Variants in NFASC observed in about 807,000 individuals in gnomAD.
The protein encoded by NFASC is neurofascin.
In NFASC, 43 loss-of-function variants were observed where a neutral mutation model predicts 147.5. That is an observed-to-expected ratio of 0.29 (90% confidence interval 0.23 to 0.38). NFASC has a LOEUF of 0.38. Among genes scored for constraint, NFASC ranks in the 10% least tolerant of loss-of-function variants. The pLI, the probability that NFASC is intolerant of heterozygous loss-of-function variation, is 1.00. For synonymous variants in NFASC, 622 were observed against 665.5 expected, an observed-to-expected ratio of 0.93 and a Z score of 1.01; for missense variants, 1,320 against 1,689.0, an observed-to-expected ratio of 0.78 and a Z score of 3.83.
At chr1:204,930,159 G>C (rs1300607317) in intron 2 of NFASC, among the ~76,000 whole-genome samples, 1 of 152,140 alleles carries the variant, frequency 6.6e-6, no homozygotes, top group Non-Finnish European at 1.5e-5. Context: ...CTGCTGCCTG[G>C]GGTGTCTGAA....
intron 1 of NFASC, among the ~76,000 whole-genome samples, chr1:204,894,137 G>A (rs1452086645): frequency 6.6e-6 from 1 of 152,180 alleles, no homozygotes; most frequent in Non-Finnish European, 1.5e-5. Flanking sequence ...CTTCTTGGTA[G>A]GAATAAGATA....
At chr1:204,933,510 G>A (rs1054865466) in intron 2 of NFASC, among the ~76,000 whole-genome samples, 11 of 152,166 alleles carry the variant, frequency 7.2e-5, no homozygotes, top group Admixed American at 1.3e-4. Context: ...AAGAGAATCC[G>A]GCCATGGGAT....
chr1:205,005,601 T>A (rs1459278667), intron 27 of NFASC, among the ~76,000 whole-genome samples: 3 of 152,230 alleles, frequency 2.0e-5, no homozygotes, highest in South Asian at 2.1e-4. Context: ...GAGTATGGTG[T>A]TGACAGTCAA....
intron 1 of NFASC, among the ~76,000 whole-genome samples, chr1:204,903,811 CT>C (rs2085181965): frequency 6.6e-6 from 1 of 152,132 alleles, no homozygotes; most frequent in Non-Finnish European, 1.5e-5. Flanking sequence ...TCCAATTTTT[CT>C]TTTGAGAATT....
intron 24 of NFASC, among the ~76,000 whole-genome samples, chr1:204,995,799 A>G (rs1443837166): frequency 2.0e-5 from 3 of 151,978 alleles, no homozygotes; most frequent in South Asian, 4.2e-4. Flanking sequence ...TCTCCCTTAA[A>G]AAAAGCTCTC....
At chr1:204,976,949 A>T in intron 16 of NFASC, 154 bp downstream of exon 16, 1 of 1,409,152 alleles carries the variant, frequency 7.1e-7, no homozygotes, top group Non-Finnish European at 9.2e-7. Context: ...TGTCAGGGTT[A>T]GGGAGCTGCC....
rs770315952 is a variant in NFASC at position 205,022,796 on chromosome 1, C to T, written c.*6257C>T. 2.0e-5 allele frequency: 3 copies of T among 152,660 alleles called. No individual in the cohort carries two copies. The highest frequency in any genetic ancestry group is 6.5e-5 in the Admixed American group (1 of 15,286). The allele number at this position is 152,660 out of a possible 1,614,324, so 9.5% of individuals were successfully genotyped here. ...TTTCTTTTGTATAGAGAACACTAAA[C>T]GTATAATAAAAGTTGTTCAAAATGG... On this transcript the variant is annotated 3_prime_UTR_variant, in exon 30 of 30. Transcript: ENST00000339876.
At chr1:204,957,078 T>A (rs773266414) in intron 7 of NFASC, among the ~76,000 whole-genome samples, 1 of 152,252 alleles carries the variant, frequency 6.6e-6, no homozygotes, top group Non-Finnish European at 1.5e-5. Flanking sequence ...TAATCAGTAG[T>A]GCTTTCTTCT....
chr1:204,919,502 G>A (rs764402301), intron 1 of NFASC, among the ~76,000 whole-genome samples: 4 of 152,126 alleles, frequency 2.6e-5, no homozygotes, highest in African/African-American at 9.7e-5. Context: ...GAGATTGTAG[G>A]TATATAGGAT....
intron 1 of NFASC, among the ~76,000 whole-genome samples, chr1:204,841,506 T>C (rs1342958685): frequency 2.0e-5 from 3 of 152,180 alleles, no homozygotes; most frequent in African/African-American, 7.2e-5. Flanking sequence ...TTTGTGAGTC[T>C]TAGCCAACAC....
rs1303012359 is a variant in NFASC, at chr1:205,020,240, A to G, written c.*3701A>G. On this transcript the variant is annotated 3_prime_UTR_variant, in exon 30 of 30. Transcript: ENST00000339876. ...ACATAGCGCATTCATAGTTTCCCTG[A>G]CCACAGCCTTGGGAAGACGGTGGAA... 1 of 152,248 alleles carries G rather than the reference A, an allele frequency of 6.6e-6. No individual in the cohort carries two copies. The highest frequency in any genetic ancestry group is 1.9e-4 in the East Asian group (1 of 5,180). The allele number at this position is 152,248 out of a possible 1,614,324, so 9.4% of individuals were successfully genotyped here. A position where few individuals can be genotyped will look rare whatever the true frequency, so the allele number is the denominator to read the frequency against.
intron 10 of NFASC, among the ~76,000 whole-genome samples, 174 bp downstream of exon 10, chr1:204,969,156 G>A (rs900101344): frequency 6.6e-6 from 1 of 152,142 alleles, no homozygotes; most frequent in African/African-American, 2.4e-5. Context: ...GAGAGGGTGT[G>A]TGCATGCCCG....
intron 8 of NFASC, among the ~76,000 whole-genome samples, chr1:204,958,697 G>T (rs2094530559): frequency 6.6e-6 from 1 of 152,244 alleles, no homozygotes; most frequent in African/African-American, 2.4e-5. Flanking sequence ...CATGCTGTGA[G>T]TGTTGTTTCT....
At chr1:204,919,654 A>T (rs1349548576) in intron 1 of NFASC, among the ~76,000 whole-genome samples, 1 of 151,860 alleles carries the variant, frequency 6.6e-6, no homozygotes, top group East Asian at 1.9e-4. Context: ...GGGCAGATGG[A>T]GTCTTGCTCT....
intron 24 of NFASC, among the ~76,000 whole-genome samples, chr1:204,996,620 CCT>C (rs2095849922): frequency 6.6e-6 from 1 of 152,200 alleles, no homozygotes; most frequent in Non-Finnish European, 1.5e-5. Context: ...GAGATTGTTC[CCT>C]CTCTGTCATC....
intron 28 of NFASC, 34 bp from the exon 29 acceptor site, chr1:205,012,763 C>A (rs374968009): frequency 7.1e-5 from 108 of 1,517,272 alleles, no homozygotes; most frequent in Non-Finnish European, 9.6e-5. Context: ...ACTTAATCGT[C>A]GTGTCTGTGT....
chr1:204,926,406 ATTTT>A (rs1202294421), intron 2 of NFASC, among the ~76,000 whole-genome samples: 34 of 14,048 alleles, frequency 2.4e-3, no homozygotes, highest in African/African-American at 4.7e-3. Context: ...ATATATATAT[ATTTT>A]TTTTTTTTTT....
At chr1:204,858,806 C>G (rs972941288) in intron 1 of NFASC, among the ~76,000 whole-genome samples, 1 of 152,088 alleles carries the variant, frequency 6.6e-6, no homozygotes, top group African/African-American at 2.4e-5. Flanking sequence ...CCTTCCCCAC[C>G]GGGGTCGTAA....
In NFASC at chr1:204,976,673, TGAA is replaced by T. The variant is rs781627874; in HGVS notation, c.1714_1716del (p.Lys572del). On this transcript the variant is annotated inframe_deletion, in exon 16 of 30. Coordinates refer to ENST00000339876, the MANE Select transcript of NFASC (RefSeq NM_001005388.3). ...ACCCTTCCTCGGTACCTTTGCAGGA[TGAA>T]GAAGGAAGACGACTCCCTGACCATC... 1.2e-6 allele frequency: 2 copies of T among 1,611,618 alleles called. No homozygotes were observed. The highest frequency in any genetic ancestry group is 2.2e-5 in the East Asian group (1 of 44,842).
Sources: allele counts gnomAD v4.1 joint callset (sites outside exome capture counted in the v4.1 genomes callset), GRCh38; gene constraint gnomAD v4.1.1; transcripts MANE v1.5; gene names NCBI Gene and HGNC (gene_info 2026-07-23, HGNC 2026-07-21).